Variants in MAGI2 observed in about 807,000 individuals in gnomAD.
MAGI2 encodes membrane associated guanylate kinase, WW and PDZ domain containing 2.
A neutral mutation model predicts 133.3 loss-of-function variants in MAGI2; 35 were observed. That is an observed-to-expected ratio of 0.26 (90% CI 0.20 to 0.35). The LOEUF is 0.35. MAGI2 is among the 10% of genes least tolerant of loss of function. MAGI2 has a pLI of 1.00. For synonymous variants in MAGI2, 729 were observed against 710.6 expected, an observed-to-expected ratio of 1.03 and a Z score of -0.41; for missense variants, 1,636 against 1,863.4, an observed-to-expected ratio of 0.88 and a Z score of 2.25.
chr7:78,584,606 C>G (rs1328690435), intron 3 of MAGI2, among the ~76,000 whole-genome samples: 1 of 152,120 alleles, frequency 6.6e-6, no homozygotes, highest in East Asian at 1.9e-4. Flanking sequence ...AGACCAAGTG[C>G]AACCTAGACC....
chr7:78,171,905 T>G (rs77356203), intron 14 of MAGI2, among the ~76,000 whole-genome samples: 20 of 80,830 alleles, frequency 2.5e-4, no homozygotes, highest in African/African-American at 5.6e-4. Context: ...TTGTTTGTTT[T>G]TTTTTCCCTA....
chr7:78,905,689 C>G (rs563621526), intron 2 of MAGI2, among the ~76,000 whole-genome samples: 18 of 152,262 alleles, frequency 1.2e-4, no homozygotes, highest in Non-Finnish European at 2.4e-4. Flanking sequence ...CTGGTTGTAA[C>G]AAGTGTCCTT....
chr7:79,109,962 C>T (rs778669789), intron 1 of MAGI2, among the ~76,000 whole-genome samples: 2 of 152,164 alleles, frequency 1.3e-5, no homozygotes, highest in Non-Finnish European at 2.9e-5. Context: ...CCCTGTGCCA[C>T]CCTAGGAGGT....
chr7:78,717,455 G>T (rs916507698), intron 2 of MAGI2, among the ~76,000 whole-genome samples: 1 of 152,132 alleles, frequency 6.6e-6, no homozygotes, highest in Non-Finnish European at 1.5e-5. Context: ...TTACTATGGT[G>T]AAAATCTGCT....
intron 20 of MAGI2, among the ~76,000 whole-genome samples, chr7:78,089,229 TTCTC>T (rs894279141): frequency 6.6e-6 from 1 of 152,236 alleles, no homozygotes; most frequent in African/African-American, 2.4e-5. Context: ...CTAATGTACT[TTCTC>T]TCTTTCTGCC....
chr7:78,236,825 G>A (rs1197308893), intron 10 of MAGI2, among the ~76,000 whole-genome samples: 2 of 152,174 alleles, frequency 1.3e-5, no homozygotes, highest in South Asian at 2.1e-4. Flanking sequence ...TAAAGAAAAA[G>A]AGGTTTAATG....
At chr7:78,967,871 C>T (rs1803465669) in intron 2 of MAGI2, among the ~76,000 whole-genome samples, 1 of 152,110 alleles carries the variant, frequency 6.6e-6, no homozygotes, top group African/African-American at 2.4e-5. Context: ...CGCTCTGTCA[C>T]CCAGGCTGGA....
chr7:78,099,104 C>T (rs112506481), intron 20 of MAGI2, among the ~76,000 whole-genome samples: 57 of 152,242 alleles, frequency 3.7e-4, no homozygotes, highest in Middle Eastern at 3.4e-3. Flanking sequence ...TGCTTTATCT[C>T]TCTACTTCAC....
At chr7:79,379,793 T>C (rs1170848963) in intron 1 of MAGI2, among the ~76,000 whole-genome samples, 1 of 151,718 alleles carries the variant, frequency 6.6e-6, no homozygotes, top group Non-Finnish European at 1.5e-5. Flanking sequence ...TTTATAACTA[T>C]ACTCTTACAA....
chr7:79,080,088 C>G (rs1397631844), intron 1 of MAGI2, among the ~76,000 whole-genome samples: 2 of 152,096 alleles, frequency 1.3e-5, no homozygotes, highest in Non-Finnish European at 2.9e-5. Context: ...ATTACTTAAC[C>G]TATTTGACTG....
intron 1 of MAGI2, among the ~76,000 whole-genome samples, chr7:79,208,618 T>C (rs1000298404): frequency 1.3e-5 from 2 of 151,978 alleles, no homozygotes; most frequent in Non-Finnish European, 2.9e-5. Flanking sequence ...GAAAACAGTA[T>C]GGAATTTCTT....
At chr7:78,382,402 G>T (rs1795008776) in intron 6 of MAGI2, among the ~76,000 whole-genome samples, 1 of 151,798 alleles carries the variant, frequency 6.6e-6, no homozygotes. Context: ...TAACAAATGA[G>T]CTTACATGTG....
intron 2 of MAGI2, among the ~76,000 whole-genome samples, chr7:78,638,776 ATTAAT>A (rs1451490419): frequency 2.0e-5 from 3 of 152,292 alleles, no homozygotes; most frequent in South Asian, 4.1e-4. Flanking sequence ...TTTGTTACCA[ATTAAT>A]TTATTTTTGA....
intron 2 of MAGI2, among the ~76,000 whole-genome samples, chr7:78,732,517 C>T (rs915426706): frequency 6.6e-6 from 1 of 152,008 alleles, no homozygotes; most frequent in African/African-American, 2.4e-5. Flanking sequence ...CTTTGAAATG[C>T]ACCAGAAATA....
chr7:78,604,491 C>G (rs546494376), intron 3 of MAGI2, among the ~76,000 whole-genome samples: 1 of 152,164 alleles, frequency 6.6e-6, no homozygotes, highest in African/African-American at 2.4e-5. Flanking sequence ...GACAAATGTT[C>G]TAATGTAATA....
At chr7:79,076,045 A>C (rs1815430781) in intron 1 of MAGI2, among the ~76,000 whole-genome samples, 1 of 152,198 alleles carries the variant, frequency 6.6e-6, no homozygotes, top group African/African-American at 2.4e-5. Flanking sequence ...TGGTTTTTAT[A>C]ATCTCGTTAT....
At chr7:79,007,994 T>C (rs2116535498) in intron 1 of MAGI2, among the ~76,000 whole-genome samples, 1 of 152,180 alleles carries the variant, frequency 6.6e-6, no homozygotes, top group East Asian at 1.9e-4. Context: ...GCCAATAATG[T>C]AGATCTATCA....
chr7:78,282,253 G>GTTCTTCTACCAC (rs1554322267), intron 9 of MAGI2, among the ~76,000 whole-genome samples: 9 of 152,030 alleles, frequency 5.9e-5, no homozygotes, highest in Non-Finnish European at 1.3e-4. Flanking sequence ...CCCTGTCCTG[G>GTTCTTCTACCAC]TTCTTCTACC....
At chr7:78,286,921 T>A (rs1796198941) in intron 9 of MAGI2, among the ~76,000 whole-genome samples, 1 of 152,176 alleles carries the variant, frequency 6.6e-6, no homozygotes, top group Admixed American at 6.6e-5. Context: ...ACAAGTTTCA[T>A]GAAAGGACAG....
Sources: gnomAD v4.1 joint callset for allele counts (sites outside exome capture counted in the v4.1 genomes callset) on GRCh38, gnomAD v4.1.1 for gene constraint, MANE v1.5 for transcripts, NCBI Gene and HGNC (gene_info 2026-07-23, HGNC 2026-07-21) for gene names.